The following PPFIA2 variants were observed in gnomAD, a reference collection of about 807,000 sequenced individuals.
PPFIA2 encodes PPFI scaffold protein A2, also known as liprin-alpha-2.
PPFIA2 carries 46 observed loss-of-function variants against 175.5 expected under a neutral mutation model. The ratio of observed to expected loss-of-function variants is 0.26; its 90% confidence interval spans 0.21 to 0.34. The LOEUF (loss-of-function observed/expected upper bound fraction) is 0.34. PPFIA2 is among the 10% of genes least tolerant of loss of function. The pLI, the probability that PPFIA2 is intolerant of heterozygous loss-of-function variation, is 1.00. For synonymous variants in PPFIA2, 568 were observed against 511.4 expected (o/e 1.11, Z -1.49); for missense variants, 1,179 against 1,506.1 (o/e 0.78, Z 3.60).
At chr12:81,392,069 T>A (rs1433721863) in intron 8 of PPFIA2, among the ~76,000 whole-genome samples, 1 of 151,832 alleles carries the variant, frequency 6.6e-6, no homozygotes, top group African/African-American at 2.4e-5. Context: ...TCAGTCCTCT[T>A]ATAAAAGACA....
At chr12:81,672,091 C>T (rs562129292) in intron 4 of PPFIA2, among the ~76,000 whole-genome samples, 15 of 151,756 alleles carry the variant, frequency 9.9e-5, no homozygotes, top group African/African-American at 3.4e-4. Context: ...TACAGCCTAG[C>T]ACATAGTGTA....
In PPFIA2 at chr12:81,483,565, G is replaced by A. The variant is rs564707086; in HGVS notation, c.304-25699C>T. Among the ~76,000 whole-genome samples the A allele has an allele frequency of 6.6e-5, 10 of 152,132 alleles. No homozygotes were observed. In the South Asian group the frequency reaches 2.1e-3, roughly 32 times the overall value. On this transcript the variant is annotated intron_variant, in intron 4 of 32. Coordinates refer to ENST00000549396, the MANE Select transcript of PPFIA2 (RefSeq NM_003625.5). ...GGGAATAATTGCTAATAGATACAGA[G>A]AAGAGGGTGATGCACATGATCTAAA...
intron 4 of PPFIA2, among the ~76,000 whole-genome samples, chr12:81,643,502 A>G (rs2065644282): frequency 6.6e-6 from 1 of 152,044 alleles, no homozygotes; most frequent in African/African-American, 2.4e-5. Flanking sequence ...GTTTACTTGA[A>G]TTACATTTGG....
At chr12:81,471,288 G>A (rs1367669569) in intron 4 of PPFIA2, 1 of 151,640 alleles carries the variant, frequency 6.6e-6, no homozygotes, top group Non-Finnish European at 1.5e-5. Context: ...TGGGACCATA[G>A]ATACACTCCA....
At chr12:81,443,956 G>A (rs944214290) in intron 6 of PPFIA2, among the ~76,000 whole-genome samples, 8 of 135,958 alleles carry the variant, frequency 5.9e-5, no homozygotes, top group Middle Eastern at 3.9e-3. Context: ...CCGGGTTCAC[G>A]CCATTCTCCT....
chr12:81,658,252 G>T (rs1186443870), intron 4 of PPFIA2, among the ~76,000 whole-genome samples: 5 of 93,324 alleles, frequency 5.4e-5, no homozygotes, highest in South Asian at 3.1e-4. Context: ...TGGGCAACAA[G>T]AGCAAAACTC....
chr12:81,516,300 T>A (rs1368995037), intron 4 of PPFIA2, among the ~76,000 whole-genome samples: 1 of 152,144 alleles, frequency 6.6e-6, no homozygotes, highest in Non-Finnish European at 1.5e-5. Context: ...ATGTAATATA[T>A]AATGTTCCTG....
chr12:81,733,338 T>C (rs912456402), intron 3 of PPFIA2, among the ~76,000 whole-genome samples: 2 of 151,628 alleles, frequency 1.3e-5, no homozygotes, highest in Admixed American at 6.6e-5. Context: ...GTTTTAAAAG[T>C]ACAATGGATG....
At chr12:81,599,603 C>G (rs182434887) in intron 4 of PPFIA2, among the ~76,000 whole-genome samples, 24 of 152,086 alleles carry the variant, frequency 1.6e-4, no homozygotes, top group East Asian at 1.2e-3. Flanking sequence ...CTTACATTAA[C>G]TATGGGACAC....
At chr12:81,439,147 TTC>T (rs148961339) in intron 7 of PPFIA2, among the ~76,000 whole-genome samples, 19 of 147,878 alleles carry the variant, frequency 1.3e-4, no homozygotes, top group East Asian at 2.0e-4. Flanking sequence ...CAGGTTAAAC[TTC>T]TCTCTCTCTC....
chr12:81,746,593 G>A (rs2083097657), intron 3 of PPFIA2, among the ~76,000 whole-genome samples: 1 of 144,018 alleles, frequency 6.9e-6, no homozygotes, highest in South Asian at 2.3e-4. Context: ...GGACTTTTTT[G>A]TTGTTAATTG....
intron 3 of PPFIA2, among the ~76,000 whole-genome samples, chr12:81,749,315 G>A (rs1399854515): frequency 7.0e-6 from 1 of 143,718 alleles, no homozygotes; most frequent in African/African-American, 2.4e-5. Context: ...GCCCATTTAT[G>A]TATTTTTTCC....
At chr12:81,313,369 A>C (rs73350783) in intron 22 of PPFIA2, among the ~76,000 whole-genome samples, 2,710 of 152,206 alleles carry the variant, frequency 0.018, 80 homozygotes, top group African/African-American at 0.062. Context: ...TATAAAGAAA[A>C]GATTGATGTG....
chr12:81,477,033 G>A (rs1399770939), intron 4 of PPFIA2, among the ~76,000 whole-genome samples: 2 of 151,942 alleles, frequency 1.3e-5, no homozygotes, highest in Non-Finnish European at 2.9e-5. Context: ...ACAGGGAGGG[G>A]AACACACACT....
intron 4 of PPFIA2, among the ~76,000 whole-genome samples, chr12:81,569,312 G>C (rs2072009406): frequency 6.6e-6 from 1 of 152,074 alleles, no homozygotes; most frequent in Admixed American, 6.6e-5. Flanking sequence ...GTACAAATGA[G>C]AGATAAAATT....
At chr12:81,667,110 T>C (rs916131652) in intron 4 of PPFIA2, among the ~76,000 whole-genome samples, 1 of 152,138 alleles carries the variant, frequency 6.6e-6, no homozygotes, top group Non-Finnish European at 1.5e-5. Context: ...ATACAAAATG[T>C]TAACCATTCT....
intron 4 of PPFIA2, among the ~76,000 whole-genome samples, chr12:81,561,638 G>T (rs961956250): frequency 6.6e-6 from 1 of 152,124 alleles, no homozygotes; most frequent in East Asian, 1.9e-4. Context: ...TCTCTGGAGT[G>T]CTGTCTGGGG....
At chr12:81,353,854 T>C (rs963732935) in intron 16 of PPFIA2, among the ~76,000 whole-genome samples, 1 of 152,174 alleles carries the variant, frequency 6.6e-6, no homozygotes, top group Non-Finnish European at 1.5e-5. Flanking sequence ...ACAGGTATAC[T>C]CCACAGAGAT....
At chr12:81,617,294 A>T (rs1388663675) in intron 4 of PPFIA2, among the ~76,000 whole-genome samples, 1 of 152,176 alleles carries the variant, frequency 6.6e-6, no homozygotes, top group Non-Finnish European at 1.5e-5. Context: ...TTTCACATTT[A>T]TCCAAGATCC....
Sources: allele counts gnomAD v4.1 joint callset (sites outside exome capture counted in the v4.1 genomes callset), GRCh38; gene constraint gnomAD v4.1.1; transcripts MANE v1.5; gene names NCBI Gene and HGNC (gene_info 2026-07-23, HGNC 2026-07-21).